Variants in EPB41L2 observed in about 807,000 individuals in gnomAD.
The protein encoded by EPB41L2 is band 4.1-like protein 2.
In EPB41L2, 43 loss-of-function variants were observed where a neutral mutation model predicts 113.0. The ratio of observed to expected loss-of-function variants is 0.38; its 90% confidence interval spans 0.30 to 0.49. The LOEUF (loss-of-function observed/expected upper bound fraction) is 0.49. EPB41L2 is among the 20% of genes least tolerant of loss of function. The probability of loss-of-function intolerance (pLI) is 0.95; values close to 1 mark genes in which losing one functional copy is unlikely to be tolerated. For synonymous variants in EPB41L2, 442 were observed against 436.7 expected, an observed-to-expected ratio of 1.01 and a Z score of -0.15; for missense variants, 1,147 against 1,223.4, an observed-to-expected ratio of 0.94 and a Z score of 0.93.
intron 19 of EPB41L2, among the ~76,000 whole-genome samples, chr6:130,852,106 CA>C (rs1482046892): frequency 6.6e-6 from 1 of 152,066 alleles, no homozygotes; most frequent in Non-Finnish European, 1.5e-5. Flanking sequence ...CTCTTAAGAG[CA>C]AAAAGGGTTC....
intron 4 of EPB41L2, among the ~76,000 whole-genome samples, chr6:130,923,801 T>C (rs1386211520): frequency 6.6e-6 from 1 of 152,248 alleles, no homozygotes; most frequent in Non-Finnish European, 1.5e-5. Context: ...CGCTGGTTTG[T>C]ACACAGGTAG....
chr6:130,968,345 A>G (rs891309880), intron 1 of EPB41L2, among the ~76,000 whole-genome samples: 11 of 152,284 alleles, frequency 7.2e-5, no homozygotes, highest in African/African-American at 2.6e-4. Context: ...CTGATCTCAT[A>G]CTTTCAAATC....
At chr6:130,880,048 G>T in intron 13 of EPB41L2, 96 bp downstream of exon 13, 1 of 857,746 alleles carries the variant, frequency 1.2e-6, no homozygotes, top group Non-Finnish European at 1.9e-6. Flanking sequence ...CATGCACCGT[G>T]CTTGAAGAAC....
intron 5 of EPB41L2, among the ~76,000 whole-genome samples, chr6:130,904,805 G>A (rs1797250161): frequency 6.6e-6 from 1 of 151,766 alleles, no homozygotes; most frequent in Non-Finnish European, 1.5e-5. Context: ...CTCAACATGT[G>A]TTTTATATGG....
intron 19 of EPB41L2, among the ~76,000 whole-genome samples, chr6:130,855,905 T>C (rs1780084990): frequency 6.6e-6 from 1 of 152,008 alleles, no homozygotes; most frequent in South Asian, 2.1e-4. Context: ...GATAGAGACA[T>C]GCATACCATG....
chr6:131,060,661 A>T (rs1000023120), intron 1 of EPB41L2, among the ~76,000 whole-genome samples: 4 of 152,232 alleles, frequency 2.6e-5, no homozygotes, highest in Admixed American at 2.6e-4. Flanking sequence ...AAGTGCTAGC[A>T]TTATCTAATG....
At chr6:130,964,960 T>C (rs1161107214) in intron 1 of EPB41L2, among the ~76,000 whole-genome samples, 1 of 152,202 alleles carries the variant, frequency 6.6e-6, no homozygotes, top group African/African-American at 2.4e-5. Flanking sequence ...ACTTCACTAC[T>C]ATATAACTTG....
intron 2 of EPB41L2, among the ~76,000 whole-genome samples, chr6:130,955,736 A>AG (rs1249642213): frequency 6.6e-6 from 1 of 152,224 alleles, no homozygotes; most frequent in African/African-American, 2.4e-5. Flanking sequence ...AAGAGATGGC[A>AG]GGGCTCGGAG....
intron 14 of EPB41L2, chr6:130,870,375 C>A: frequency 1.3e-6 from 2 of 1,550,552 alleles, no homozygotes; most frequent in Non-Finnish European, 1.7e-6. Context: ...GACTCGGGAG[C>A]ACGTGTCTGC....
At chr6:131,036,888 C>A (rs1326408793) in intron 1 of EPB41L2, among the ~76,000 whole-genome samples, 2 of 152,192 alleles carry the variant, frequency 1.3e-5, no homozygotes. Flanking sequence ...CGTACTTATG[C>A]ACAGACTGAA....
intron 16 of EPB41L2, 116 bp downstream of exon 16, chr6:130,867,343 G>T: frequency 2.2e-6 from 3 of 1,337,398 alleles, no homozygotes; most frequent in African/African-American, 1.5e-5. Flanking sequence ...ACAAAGTGCA[G>T]ATACAAAAAG....
At chr6:130,857,556 T>C (rs1780657245) in intron 19 of EPB41L2, among the ~76,000 whole-genome samples, 1 of 136,484 alleles carries the variant, frequency 7.3e-6, no homozygotes, top group East Asian at 2.1e-4. Flanking sequence ...TATCTTTTTT[T>C]TTTTTTTTTT....
At chr6:130,923,943 G>C (rs866565319) in intron 4 of EPB41L2, among the ~76,000 whole-genome samples, 2 of 152,034 alleles carry the variant, frequency 1.3e-5, no homozygotes, top group South Asian at 2.1e-4. Flanking sequence ...TTTACATCTT[G>C]CAAAACTGAA....
intron 3 of EPB41L2, among the ~76,000 whole-genome samples, chr6:130,933,474 G>T (rs1583599656): frequency 6.6e-6 from 1 of 152,052 alleles, no homozygotes; most frequent in Non-Finnish European, 1.5e-5. Flanking sequence ...GCAATATAAA[G>T]TTAACGGGTT....
At chr6:130,872,655 GAAAGA>G (rs2128453150) in intron 14 of EPB41L2, 1 of 657,964 alleles carries the variant, frequency 1.5e-6, no homozygotes, top group Non-Finnish European at 2.1e-6. Flanking sequence ...AGCATAAAAT[GAAAGA>G]AAAGATGAGA....
intron 19 of EPB41L2, among the ~76,000 whole-genome samples, chr6:130,843,919 T>C (rs1002066039): frequency 6.6e-6 from 1 of 152,134 alleles, no homozygotes; most frequent in African/African-American, 2.4e-5. Context: ...TGAGCAGTGG[T>C]GAAAAAAGTC....
At chr6:130,988,659 T>C (rs58822839) in intron 1 of EPB41L2, among the ~76,000 whole-genome samples, 9,201 of 152,202 alleles carry the variant, frequency 0.06, 879 homozygotes, top group African/African-American at 0.2. Flanking sequence ...AGACCAAGTC[T>C]ACCTTCTTAA....
intron 18 of EPB41L2, among the ~76,000 whole-genome samples, chr6:130,861,256 TAG>T (rs1344628715): frequency 6.6e-6 from 1 of 151,890 alleles, no homozygotes; most frequent in Non-Finnish European, 1.5e-5. Context: ...GTATTTTTAG[TAG>T]AGACAGGGTT....
chr6:130,861,990 C>T (rs1782269527), intron 18 of EPB41L2, among the ~76,000 whole-genome samples: 1 of 151,896 alleles, frequency 6.6e-6, no homozygotes, highest in Non-Finnish European at 1.5e-5. Flanking sequence ...ACATCATATA[C>T]AAAAAAGGAG....
Sources: allele counts gnomAD v4.1 joint callset (sites outside exome capture counted in the v4.1 genomes callset), GRCh38; gene constraint gnomAD v4.1.1; transcripts MANE v1.5; gene names NCBI Gene and HGNC (gene_info 2026-07-23, HGNC 2026-07-21).